The following ANKIB1 variants were observed in gnomAD, a reference collection of about 807,000 sequenced individuals.
ANKIB1 encodes ankyrin repeat and IBR domain-containing protein 1.
A neutral mutation model predicts 122.1 loss-of-function variants in ANKIB1; 43 were observed. The observed-to-expected ratio is 0.35, with a 90% CI of 0.28 to 0.45. The LOEUF is 0.45. Among genes scored for constraint, ANKIB1 ranks in the 20% least tolerant of loss-of-function variants. The probability of loss-of-function intolerance (pLI) is 1.00; values close to 1 mark genes in which losing one functional copy is unlikely to be tolerated. For missense variants in ANKIB1, 992 were observed against 1,329.5 expected (o/e 0.75, Z 3.95); for synonymous variants, 390 against 442.0 (o/e 0.88, Z 1.48).
intron 11 of ANKIB1, among the ~76,000 whole-genome samples, chr7:92,385,810 A>G (rs926971081): frequency 2.6e-5 from 4 of 152,196 alleles, no homozygotes; most frequent in African/African-American, 9.7e-5. Context: ...CAGCAAACCA[A>G]CACGGGACAT....
chr7:92,380,378 A>C (rs1353951845), intron 11 of ANKIB1, among the ~76,000 whole-genome samples: 2 of 152,186 alleles, frequency 1.3e-5, no homozygotes, highest in Non-Finnish European at 2.9e-5. Flanking sequence ...TGAAGAGAGC[A>C]GTGGTTCTCC....
At chr7:92,393,502 GA>G (rs1190216257) in intron 17 of ANKIB1, among the ~76,000 whole-genome samples, 4 of 150,282 alleles carry the variant, frequency 2.7e-5, no homozygotes, top group African/African-American at 7.3e-5. Flanking sequence ...AATTATAAAA[GA>G]AAAAAAAATA....
chr7:92,350,934 T>G lies in ANKIB1; in HGVS notation c.1086-16T>G. ...ATATCCTTGCTCGTTTGATGTGCAT[T>G]GATCCATTTTAATAGGTTTTTGAAT... On this transcript the variant is annotated splice_polypyrimidine_tract_variant and intron_variant, in intron 7 of 19. Coordinates refer to ENST00000265742, the MANE Select transcript of ANKIB1 (RefSeq NM_019004.2). The G allele has an allele frequency of 1.3e-6, 2 of 1,592,686 alleles. No individual in the cohort carries two copies. Among genetic ancestry groups the G allele is most frequent in the Non-Finnish European group, 1.7e-6 (2 of 1,171,638 alleles).
intron 2 of ANKIB1, among the ~76,000 whole-genome samples, chr7:92,305,999 T>C (rs1448619263): frequency 6.6e-6 from 1 of 151,996 alleles, no homozygotes; most frequent in Non-Finnish European, 1.5e-5. Flanking sequence ...TTGTTTTTGC[T>C]CAGGGATAGA....
At chr7:92,251,020 C>G (rs1585071064) in intron 1 of ANKIB1, among the ~76,000 whole-genome samples, 1 of 152,084 alleles carries the variant, frequency 6.6e-6, no homozygotes, top group East Asian at 1.9e-4. Flanking sequence ...AAAGTTAATC[C>G]TTGATATTTT....
chr7:92,344,584 C>T (rs984015020), intron 6 of ANKIB1, among the ~76,000 whole-genome samples: 1 of 152,066 alleles, frequency 6.6e-6, no homozygotes, highest in African/African-American at 2.4e-5. Context: ...TACAAAGTTA[C>T]TCTGTTTTCA....
chr7:92,330,297 G>A (rs1287685902), intron 5 of ANKIB1, among the ~76,000 whole-genome samples: 1 of 152,012 alleles, frequency 6.6e-6, no homozygotes, highest in East Asian at 1.9e-4. Context: ...ACTTGAAATG[G>A]CAGCTTTTAA....
chr7:92,273,494 C>G (rs1046808535), intron 1 of ANKIB1, among the ~76,000 whole-genome samples: 4 of 152,220 alleles, frequency 2.6e-5, no homozygotes, highest in Non-Finnish European at 5.9e-5. Flanking sequence ...TAGAGTTTCT[C>G]TGTGCCTCAC....
chr7:92,394,049 C>A (rs183883232), intron 17 of ANKIB1, among the ~76,000 whole-genome samples: 1 of 152,056 alleles, frequency 6.6e-6, no homozygotes, highest in Non-Finnish European at 1.5e-5. Flanking sequence ...AAAGGCAGTG[C>A]AGCTCAGTGG....
intron 1 of ANKIB1, among the ~76,000 whole-genome samples, chr7:92,292,970 A>T (rs912206238): frequency 7.9e-5 from 12 of 152,164 alleles, no homozygotes; most frequent in East Asian, 3.8e-4. Context: ...ATTTAAAATT[A>T]AAAAAATCAA....
rs149404102 is a variant in ANKIB1 at position 92,326,420 on chromosome 7, G to A, written c.670-1363G>A. ...TTTCTCTCTCCCTATTTGGTTCAAC[G>A]TAAATGAAGTCGAATGATGGATAAC... On this transcript the variant is annotated intron_variant, in intron 4 of 19. Transcript: ENST00000265742. Among the ~76,000 whole-genome samples, 1,009 of 152,192 alleles carry A rather than the reference G, an allele frequency of 6.6e-3. 8 individuals are homozygous for A. Among genetic ancestry groups the A allele is most frequent in the Non-Finnish European group, 0.01 (682 of 68,010 alleles).
chr7:92,277,730 T>C (rs1801932757), intron 1 of ANKIB1, among the ~76,000 whole-genome samples: 1 of 152,038 alleles, frequency 6.6e-6, no homozygotes, highest in African/African-American at 2.4e-5. Flanking sequence ...GAGGATCGCT[T>C]GAGGGCAAGA....
chr7:92,279,215 G>A (rs1801968872), intron 1 of ANKIB1, among the ~76,000 whole-genome samples: 1 of 152,176 alleles, frequency 6.6e-6, no homozygotes, highest in Non-Finnish European at 1.5e-5. Flanking sequence ...CTCACCTCGT[G>A]CTGTGTGGCC....
intron 5 of ANKIB1, among the ~76,000 whole-genome samples, chr7:92,330,335 A>G (rs1585110607): frequency 6.6e-6 from 1 of 152,182 alleles, no homozygotes; most frequent in African/African-American, 2.4e-5. Flanking sequence ...TGTTTCCGTA[A>G]TACCTAATAT....
chr7:92,266,758 G>A (rs554478396), intron 1 of ANKIB1, among the ~76,000 whole-genome samples: 36 of 152,314 alleles, frequency 2.4e-4, no homozygotes, highest in African/African-American at 7.9e-4. Flanking sequence ...AAGAGAAGTT[G>A]CCGACAGGAA....
intron 2 of ANKIB1, among the ~76,000 whole-genome samples, chr7:92,302,871 T>C (rs976015856): frequency 6.6e-6 from 1 of 152,200 alleles, no homozygotes; most frequent in African/African-American, 2.4e-5. Context: ...GGACTTTATC[T>C]GTTTTCTTTA....
chr7:92,390,638 T>G (rs374043354), intron 15 of ANKIB1, among the ~76,000 whole-genome samples: 10 of 152,224 alleles, frequency 6.6e-5, no homozygotes, highest in African/African-American at 2.2e-4. Context: ...AGTTTTCATG[T>G]CATCCCTTGA....
chr7:92,334,505 A>G (rs1803244698), intron 5 of ANKIB1, among the ~76,000 whole-genome samples: 1 of 152,056 alleles, frequency 6.6e-6, no homozygotes, highest in South Asian at 2.1e-4. Context: ...TGATTTAGGT[A>G]TGAAGAAATA....
At chr7:92,379,911 A>C (rs969786538) in intron 11 of ANKIB1, among the ~76,000 whole-genome samples, 2 of 152,172 alleles carry the variant, frequency 1.3e-5, no homozygotes, top group African/African-American at 4.8e-5. Flanking sequence ...TGGGTGCAGC[A>C]CACGAAGGGC....
Sources: gnomAD v4.1 joint callset for allele counts (sites outside exome capture counted in the v4.1 genomes callset) on GRCh38, gnomAD v4.1.1 for gene constraint, MANE v1.5 for transcripts, NCBI Gene and HGNC (gene_info 2026-07-23, HGNC 2026-07-21) for gene names.